DXO: variants seen among roughly 807,000 people sequenced by gnomAD.
DXO encodes the protein decapping and exoribonuclease protein.
Under a neutral mutation model 39.8 loss-of-function variants are expected in DXO, and 42 were observed. The ratio of observed to expected loss-of-function variants is 1.06; its 90% CI spans 0.83 to 1.37. DXO has a LOEUF of 1.37. Among genes scored for constraint, DXO ranks in the 40% most tolerant of loss-of-function variants. The pLI, the probability that DXO is intolerant of heterozygous loss-of-function variation, is 0.00. For synonymous variants in DXO, 193 were observed against 200.4 expected (o/e 0.96, Z 0.31); for missense variants, 495 against 513.0 (o/e 0.96, Z 0.34).
In DXO at chr6:31,970,594, C is replaced by G. The variant is rs1171282779; in HGVS notation, c.812+12G>C. 1 of 1,612,968 alleles carries G rather than the reference C, an allele frequency of 6.2e-7. No individual in the cohort carries two copies. The highest frequency in any genetic ancestry group is 1.7e-5 in the Admixed American group (1 of 59,998). On this transcript the variant is annotated intron_variant, in intron 4 of 6. Transcript: ENST00000337523. This position sits in a 1 kb window ranked among gnomAD's most constrained non-coding sequence, Gnocchi z 4.0. ...AGCCTAAGCTCTCGCCCTGCCCACC[C>G]CGATCCTGAACCTGTAGAAACTCCT...
Position 31,971,480 on chromosome 6 carries a change from C to A in DXO, c.196G>T (p.Ala66Ser). 1 of 1,614,074 alleles carries A rather than the reference C, an allele frequency of 6.2e-7. No homozygotes were observed. The highest frequency in any genetic ancestry group is 8.5e-7 in the Non-Finnish European group (1 of 1,180,010). ...GGGGGTGGGCTATAGTAGCGCAGGG[C>A]TCGGGCATCTCCATGGTACTGGCGT... ...AQRQYHGDAR[A>S]LRYYSPPPTN... Residue 66 changes from alanine (A) to serine (S), a missense_variant, in exon 2 of 7, where the codon GCC (alanine) becomes TCC (serine). Ala to Ser is a moderately conservative substitution (Grantham distance 99). Coordinates refer to ENST00000337523, the MANE Select transcript of DXO (RefSeq NM_005510.4). The surrounding 1 kb of genome is among the most constrained non-coding windows in gnomAD (Gnocchi z 4.5).
Position 31,971,870 on chromosome 6 carries a change from T to C in DXO, c.-7+59A>G. On this transcript the variant is annotated intron_variant, in intron 1 of 6. Coordinates refer to ENST00000337523, the MANE Select transcript of DXO (RefSeq NM_005510.4). The surrounding 1 kb of genome is among the most constrained non-coding windows in gnomAD (Gnocchi z 4.5). ...GCCCTTCACCCACCCTCCCTCCAGG[T>C]CCTCCAAATGCAGTGAGGTTAGGAA... 7.0e-7 allele frequency: 1 copy of C among 1,434,762 alleles called. No homozygotes were observed. Among genetic ancestry groups the C allele is most frequent in the Non-Finnish European group, 9.3e-7 (1 of 1,076,436 alleles). 88.9% of individuals were successfully genotyped at this position (1,434,762 alleles called of 1,614,324 possible).
rs374194980 is a variant in DXO, at chr6:31,971,110, G to A, written c.394C>T (p.Arg132Trp). 1.1e-5 allele frequency: 17 copies of A among 1,612,664 alleles called. 1 individual carries two copies. The Middle Eastern group carries it at 9.9e-4, about 94-fold the overall frequency. The change falls in exon 3 of 7, where the codon CGG becomes TGG. Residue 132 changes from arginine (R) to tryptophan (W), a missense_variant. By Grantham distance (101) the Arg-to-Trp change is moderately radical. Coordinates refer to ENST00000337523, the MANE Select transcript of DXO (RefSeq NM_005510.4). This position sits in a 1 kb window ranked among gnomAD's most constrained non-coding sequence, Gnocchi z 4.5. ...GWLAEAIVTW[R>W]GHLTKLLTTP... is the part of the protein sequence containing the mutation. ...GTCAGCAGTTTTGTCAGGTGCCCCCGCCACGTCACTATGGCCTCTGCCAGC... is the reference window on the plus strand; with the variant it reads ...GTCAGCAGTTTTGTCAGGTGCCCCCACCACGTCACTATGGCCTCTGCCAGC...
Position 31,971,145 on chromosome 6 carries a change from C to T in DXO, c.359G>A (p.Gly120Asp). The T allele has an allele frequency of 1.2e-6, 2 of 1,611,962 alleles. No individual in the cohort carries two copies. The highest frequency in any genetic ancestry group is 1.1e-5 in the South Asian group (1 of 91,066). The change falls in exon 3 of 7, where the codon GGT becomes GAT. Residue 120 changes from glycine (G) to aspartate (D), a missense_variant and splice_region_variant. Coordinates refer to ENST00000337523, the MANE Select transcript of DXO (RefSeq NM_005510.4). This position sits in a 1 kb window ranked among gnomAD's most constrained non-coding sequence, Gnocchi z 4.5. ...TATGGCCTCTGCCAGCCAGCCTGGACCCCTGAGAGGCAGGAGTTACAGGCT... is the reference window on the plus strand; with the variant it reads ...TATGGCCTCTGCCAGCCAGCCTGGATCCCTGAGAGGCAGGAGTTACAGGCT... ...LLEHRGRLEG[G>D]PGWLAEAIVT...
chr6:31,970,017 G>A lies in DXO; in HGVS notation c.1051C>T (p.His351Tyr), dbSNP rs756390922. The A allele has an allele frequency of 1.2e-6, 2 of 1,613,938 alleles. No individual in the cohort carries two copies. The highest frequency in any genetic ancestry group is 1.7e-6 in the Non-Finnish European group (2 of 1,180,010). The change falls in exon 7 of 7, where the codon CAT becomes TAT. Residue 351 changes from histidine (H) to tyrosine (Y), a missense_variant. Coordinates refer to ENST00000337523, the MANE Select transcript of DXO (RefSeq NM_005510.4). This position sits in a 1 kb window ranked among gnomAD's most constrained non-coding sequence, Gnocchi z 4.0. ...TVVQDDPRLV[H>Y]LFSWEPGGPV... ...CCGCCAGGCTCCCAAGAGAAGAGAT[G>A]AACGAGCCTGGGGGGCAGATGGAGG...
chr6:31,971,972 T>C lies in DXO; in HGVS notation c.-50A>G, dbSNP rs1773381452. The C allele has an allele frequency of 6.3e-7, 1 of 1,585,574 alleles. No individual in the cohort carries two copies. Among genetic ancestry groups the C allele is most frequent in the Non-Finnish European group, 8.6e-7 (1 of 1,161,640 alleles). ...CCACCTCCGCAGAGCTATGACGTCATGGCAGGCACGCCAGAGGCCGAAGGA... is the reference window on the plus strand; with the variant it reads ...CCACCTCCGCAGAGCTATGACGTCACGGCAGGCACGCCAGAGGCCGAAGGA... On this transcript the variant is annotated 5_prime_UTR_variant, in exon 1 of 7. An upstream start codon of the reference 5' UTR is lost. Transcript: ENST00000337523. This position sits in a 1 kb window ranked among gnomAD's most constrained non-coding sequence, Gnocchi z 4.5.
rs148319413 is a variant in DXO at position 31,970,423 on chromosome 6, C to T, written c.868G>A (p.Val290Ile). Residue 290 changes from valine to isoleucine, a missense_variant, in exon 5 of 7, where the codon GTT becomes ATT. Coordinates refer to ENST00000337523, the MANE Select transcript of DXO (RefSeq NM_005510.4). This position sits in a 1 kb window ranked among gnomAD's most constrained non-coding sequence, Gnocchi z 4.0. ...CCGTCTGGGTTACGGAAGCCAGCAA[C>T]AACATTCGGGACCCCTGGGAGGAAT... Reference protein sequence around the residue: ...QSFLPGVPNVVAGFRNPDGFV... With the variant: ...QSFLPGVPNVIAGFRNPDGFV... The T allele has an allele frequency of 1.4e-5, 23 of 1,613,962 alleles. No homozygotes were observed. The African/African-American group carries it at 2.7e-4, about 19-fold the overall frequency.
At position 31,971,588 on chromosome 6, in the gene DXO, G is replaced by A. The variant is rs747749087; in HGVS notation, c.88C>T (p.Pro30Ser). Residue 30 changes from proline to serine, a missense_variant, in exon 2 of 7, where the codon CCC (proline) becomes TCC (serine). By Grantham distance (74) the Pro-to-Ser change is moderately conservative. Transcript: ENST00000337523. The surrounding 1 kb of genome is among the most constrained non-coding windows in gnomAD (Gnocchi z 4.5). The stretch of plus-strand genomic sequence containing the variant: ...CCAGAGTAGAGGGCAGGGTCTGTGG[G>A]CAGAGAAGGTGCTGGACGAGGTAGT... ...NKLPRPAPSL[P>S]TDPALYSGPF... 16 of 1,613,786 alleles carry A rather than the reference G, an allele frequency of 9.9e-6. No homozygotes were observed. Among genetic ancestry groups the A allele is most frequent in the Admixed American group, 1.7e-5 (1 of 60,002 alleles).
chr6:31,971,958 G>A lies in DXO; in HGVS notation c.-36C>T. The A allele has an allele frequency of 1.3e-6, 2 of 1,570,346 alleles. No individual in the cohort carries two copies. The highest frequency in any genetic ancestry group is 1.7e-6 in the Non-Finnish European group (2 of 1,153,678). Reference sequence around the variant, plus strand: ...AAGCTCCCCAACTTCCACCTCCGCAGAGCTATGACGTCATGGCAGGCACGC... The same window carrying A: ...AAGCTCCCCAACTTCCACCTCCGCAAAGCTATGACGTCATGGCAGGCACGC... On this transcript the variant is annotated 5_prime_UTR_variant, in exon 1 of 7. Transcript: ENST00000337523. This position sits in a 1 kb window ranked among gnomAD's most constrained non-coding sequence, Gnocchi z 4.5.
rs769736810 is a variant in DXO, at chr6:31,970,182, G to A, written c.970C>T (p.Pro324Ser). Residue 324 changes from proline to serine, a missense_variant, in exon 6 of 7, where the codon CCC becomes TCC. Physicochemically the swap from Pro to Ser is moderately conservative, Grantham distance 74. Coordinates refer to ENST00000337523, the MANE Select transcript of DXO (RefSeq NM_005510.4). This position sits in a 1 kb window ranked among gnomAD's most constrained non-coding sequence, Gnocchi z 4.0. ...GCACAGAAGTTCATGCACACAGAGG[G>A]ATTCCAGCCGTCACGGTCATTCTGG... ...YVRNDRDGWN[P>S]SVCMNFCAAF... 8.7e-6 allele frequency: 14 copies of A among 1,614,020 alleles called. No homozygotes were observed. The highest frequency in any genetic ancestry group is 1.2e-5 in the Non-Finnish European group (14 of 1,180,010).
Position 31,970,918 on chromosome 6 carries a change from A to G in DXO, c.586T>C (p.Cys196Arg). The stretch of plus-strand genomic sequence containing the variant: ...TGAAGCAGGGGCAACTCACCTGCAC[A>G]CATGTACTGCTCAAATTTGTATCCC... ...YMGYKFEQYM[C>R]ADKPGSSPDP... The change falls in exon 3 of 7, where the codon TGT (cysteine) becomes CGT (arginine). Residue 196 changes from cysteine to arginine, a missense_variant. Coordinates refer to ENST00000337523, the MANE Select transcript of DXO (RefSeq NM_005510.4). The surrounding 1 kb of genome is among the most constrained non-coding windows in gnomAD (Gnocchi z 4.0). The G allele has an allele frequency of 2.5e-6, 4 of 1,612,552 alleles. No individual in the cohort carries two copies. The highest frequency in any genetic ancestry group is 1.1e-5 in the South Asian group (1 of 91,072).
At position 31,972,111 on chromosome 6, in the gene DXO, G is replaced by A; in HGVS notation, c.-189C>T. The A allele has an allele frequency of 6.2e-7, 1 of 1,613,056 alleles. No homozygotes were observed. Among genetic ancestry groups the A allele is most frequent in the South Asian group, 1.1e-5 (1 of 91,070 alleles). On this transcript the variant is annotated 5_prime_UTR_variant, in exon 1 of 7. Transcript: ENST00000337523. This position sits in a 1 kb window ranked among gnomAD's most constrained non-coding sequence, Gnocchi z 6.3. The stretch of plus-strand genomic sequence containing the variant: ...CACGAAGGAGGTTGACACCAACGTG[G>A]CCACCGGCGCCCCTCCACGCCGCCA...
In DXO at chr6:31,971,600, C is replaced by A; in HGVS notation, c.76G>T (p.Ala26Ser). The change falls in exon 2 of 7, where the codon GCA (alanine) becomes TCA (serine). Residue 26 changes from alanine (A) to serine (S), a missense_variant. Ala to Ser is a moderately conservative substitution (Grantham distance 99). Coordinates refer to ENST00000337523, the MANE Select transcript of DXO (RefSeq NM_005510.4). This position sits in a 1 kb window ranked among gnomAD's most constrained non-coding sequence, Gnocchi z 4.5. ...GCAGGGTCTGTGGGCAGAGAAGGTG[C>A]TGGACGAGGTAGTTTGTTCCGAGGC... is the stretch of plus-strand genomic sequence containing the variant. ...AEPRNKLPRPAPSLPTDPALY... is the reference protein window; with the variant it reads ...AEPRNKLPRPSPSLPTDPALY... The A allele has an allele frequency of 6.2e-7, 1 of 1,613,626 alleles. No homozygotes were observed. The highest frequency in any genetic ancestry group is 2.2e-5 in the East Asian group (1 of 44,886).
chr6:31,970,355 A>C lies in DXO; in HGVS notation c.936T>G (p.Phe312Leu). The change falls in exon 5 of 7, where the codon TTT becomes TTG. Residue 312 changes from phenylalanine to leucine, a missense_variant. Phe to Leu is a conservative substitution (Grantham distance 22). Transcript: ENST00000337523. The surrounding 1 kb of genome is among the most constrained non-coding windows in gnomAD (Gnocchi z 4.0). ...ATCGTTCCCTTACCCTGACATATTC[A>C]AACATCTTCATGGTAGGAAAGGTCT... is the stretch of plus-strand genomic sequence containing the variant. ...SLKTFPTMKM[F>L]EYVRNDRDGW... 3 of 1,614,052 alleles carry C rather than the reference A, an allele frequency of 1.9e-6. No individual in the cohort carries two copies. Among genetic ancestry groups the C allele is most frequent in the Non-Finnish European group, 2.5e-6 (3 of 1,179,990 alleles).
In DXO at chr6:31,970,080, G is replaced by C. The variant is rs1353106688; in HGVS notation, c.1043+29C>G. ...GCCAGAGGCTGGATCCTGGGATCCA[G>C]AGGGGAGGGACAGAGCTGAATGCCT... On this transcript the variant is annotated intron_variant, in intron 6 of 6. Coordinates refer to ENST00000337523, the MANE Select transcript of DXO (RefSeq NM_005510.4). This position sits in a 1 kb window ranked among gnomAD's most constrained non-coding sequence, Gnocchi z 4.0. 1.2e-6 allele frequency: 2 copies of C among 1,613,988 alleles called. No individual in the cohort carries two copies. The highest frequency in any genetic ancestry group is 1.7e-6 in the Non-Finnish European group (2 of 1,180,018).
Position 31,971,092 on chromosome 6 carries a change from G to T in DXO, c.412C>A (p.Leu138Met). ...TGCCGCTCATACGGTGTCGTCAGCA[G>T]TTTTGTCAGGTGCCCCCGCCACGTC... ...IVTWRGHLTK[L>M]LTTPYERQEG... The change falls in exon 3 of 7, where the codon CTG (leucine) becomes ATG (methionine). Residue 138 changes from leucine to methionine, a missense_variant. Physicochemically the swap from Leu to Met is conservative, Grantham distance 15. Coordinates refer to ENST00000337523, the MANE Select transcript of DXO (RefSeq NM_005510.4). The surrounding 1 kb of genome is among the most constrained non-coding windows in gnomAD (Gnocchi z 4.5). The T allele has an allele frequency of 4.3e-6, 7 of 1,612,904 alleles. No homozygotes were observed. Among genetic ancestry groups the T allele is most frequent in the Non-Finnish European group, 3.4e-6 (4 of 1,180,000 alleles).
rs771600515 is a variant in DXO, at chr6:31,970,333, G to T, written c.948+10C>A. The stretch of plus-strand genomic sequence containing the variant: ...GGATACGGGTGGGAGCTGCAACATC[G>T]TTCCCTTACCCTGACATATTCAAAC... On this transcript the variant is annotated intron_variant, in intron 5 of 6. Transcript: ENST00000337523. The surrounding 1 kb of genome is among the most constrained non-coding windows in gnomAD (Gnocchi z 4.0). 6.2e-7 allele frequency: 1 copy of T among 1,613,962 alleles called. No individual in the cohort carries two copies. The highest frequency in any genetic ancestry group is 2.2e-5 in the East Asian group (1 of 44,874).
At position 31,970,198 on chromosome 6, in the gene DXO, G is replaced by T; in HGVS notation, c.954C>A (p.Asp318Glu). ...TMKMFEYVRN[D>E]RDGWNPSVCM... ...ACACAGAGGGATTCCAGCCGTCACG[G>T]TCATTCTGGAGCAGGCAGAGGAGGA... Residue 318 changes from aspartate to glutamate, a missense_variant, in exon 6 of 7, where the codon GAC becomes GAA. By Grantham distance (45) the Asp-to-Glu change is conservative. Transcript: ENST00000337523. The surrounding 1 kb of genome is among the most constrained non-coding windows in gnomAD (Gnocchi z 4.0). 1.9e-6 allele frequency: 3 copies of T among 1,613,988 alleles called. No homozygotes were observed. Among genetic ancestry groups the T allele is most frequent in the Non-Finnish European group, 2.5e-6 (3 of 1,180,014 alleles).
Position 31,971,636 on chromosome 6 carries a change from C to G in DXO, c.40G>C (p.Glu14Gln). The change falls in exon 2 of 7, where the codon GAG (glutamate) becomes CAG (glutamine). Residue 14 changes from glutamate (E) to glutamine (Q), a missense_variant. Transcript: ENST00000337523. The surrounding 1 kb of genome is among the most constrained non-coding windows in gnomAD (Gnocchi z 4.5). ...AGTTTGTTCCGAGGCTCAGCTACCT[C>G]TGTCTTCTCAGCTCCTCTCTTGGTC... is the stretch of plus-strand genomic sequence containing the variant. ...RGTKRGAEKT[E>Q]VAEPRNKLPR... is the part of the protein sequence containing the mutation. The G allele has an allele frequency of 6.2e-7, 1 of 1,611,184 alleles. No individual in the cohort carries two copies. The highest frequency in any genetic ancestry group is 8.5e-7 in the Non-Finnish European group (1 of 1,180,002).
Sources: allele counts gnomAD v4.1 joint callset, GRCh38; gene constraint gnomAD v4.1.1; non-coding constraint Gnocchi (gnomAD v3.1); transcripts MANE v1.5; gene names NCBI Gene and HGNC (gene_info 2026-07-23, HGNC 2026-07-21).